HELZ: variants seen among roughly 807,000 people sequenced by gnomAD.
HELZ encodes helicase with zinc finger, also known as ATP-dependent RNA helicase with zinc finger domain.
Under a neutral mutation model 218.2 loss-of-function variants are expected in HELZ, and 23 were observed. That is an observed-to-expected ratio of 0.11 (90% CI 0.08 to 0.15). HELZ has a LOEUF of 0.15. Ranked by LOEUF, HELZ falls within the 10% of genes least tolerant of loss-of-function variation. The probability of loss-of-function intolerance (pLI) is 1.00; values close to 1 mark genes in which losing one functional copy is unlikely to be tolerated. For missense variants in HELZ, 1,813 were observed against 2,353.7 expected, an observed-to-expected ratio of 0.77 and a Z score of 4.75; for synonymous variants, 814 against 829.4, an observed-to-expected ratio of 0.98 and a Z score of 0.32.
chr17:67,220,568 G>A (rs1294252976), intron 3 of HELZ, among the ~76,000 whole-genome samples: 2 of 151,990 alleles, frequency 1.3e-5, no homozygotes, highest in African/African-American at 4.8e-5. Flanking sequence ...CTGCAGCCTC[G>A]ACTTGCCAGG....
intron 3 of HELZ, among the ~76,000 whole-genome samples, chr17:67,237,476 T>G (rs939381762): frequency 3.9e-5 from 6 of 152,102 alleles, no homozygotes; most frequent in Non-Finnish European, 7.4e-5. Context: ...CAGTGGACTG[T>G]ATCAGTTAAA....
intron 26 of HELZ, among the ~76,000 whole-genome samples, chr17:67,122,341 C>T (rs1334202361): frequency 1.3e-5 from 2 of 152,108 alleles, no homozygotes; most frequent in South Asian, 2.1e-4. Context: ...GTCAGGAGAT[C>T]GAGACCATCC....
chr17:67,165,960 T>C (rs2039130342), intron 15 of HELZ, among the ~76,000 whole-genome samples: 2 of 152,118 alleles, frequency 1.3e-5, no homozygotes, highest in South Asian at 4.1e-4. Context: ...AGCAAGAACC[T>C]TGTCTACAAA....
At chr17:67,216,562 TC>T (rs1182520877) in intron 4 of HELZ, among the ~76,000 whole-genome samples, 1 of 152,184 alleles carries the variant, frequency 6.6e-6, no homozygotes, top group Non-Finnish European at 1.5e-5. Context: ...CTCTTTTTTT[TC>T]TTTAGTGTCT....
At chr17:67,106,060 A>G (rs2037089724) in intron 31 of HELZ, among the ~76,000 whole-genome samples, 1 of 152,214 alleles carries the variant, frequency 6.6e-6, no homozygotes, top group Non-Finnish European at 1.5e-5. Context: ...TCAAAAAAGT[A>G]TTTTTCATAT....
chr17:67,111,078 C>T (rs1013738771), intron 28 of HELZ, among the ~76,000 whole-genome samples: 4 of 152,290 alleles, frequency 2.6e-5, no homozygotes, highest in African/African-American at 4.8e-5. Flanking sequence ...ATGGCAGATT[C>T]GGACAGCATG....
At chr17:67,203,215 G>A (rs2040212532) in intron 6 of HELZ, 104 bp downstream of exon 6, 1 of 1,192,426 alleles carries the variant, frequency 8.4e-7, no homozygotes. Flanking sequence ...AATAGAGGAA[G>A]AACTAAAAGA....
chr17:67,161,577 T>C (rs531421858), intron 15 of HELZ, among the ~76,000 whole-genome samples: 20 of 152,364 alleles, frequency 1.3e-4, no homozygotes, highest in East Asian at 1.9e-4. Flanking sequence ...CAAATCTGTA[T>C]GTCCCTGGTT....
intron 22 of HELZ, among the ~76,000 whole-genome samples, chr17:67,136,926 G>A (rs2038171137): frequency 6.6e-6 from 1 of 152,020 alleles, no homozygotes; most frequent in African/African-American, 2.4e-5. Context: ...CATAAAAATG[G>A]TTAAAATGGT....
chr17:67,244,696 C>A (rs1339572451), intron 1 of HELZ: 1 of 983,760 alleles, frequency 1.0e-6, no homozygotes, highest in Non-Finnish European at 1.2e-6. Context: ...CCACCCCACC[C>A]GGTGGAAGTC....
intron 5 of HELZ, among the ~76,000 whole-genome samples, chr17:67,213,884 G>A (rs780593204): frequency 2.0e-5 from 3 of 152,070 alleles, no homozygotes; most frequent in Non-Finnish European, 4.4e-5. Context: ...CAATATTCAT[G>A]GTATACTGAT....
intron 13 of HELZ, among the ~76,000 whole-genome samples, chr17:67,170,156 GC>G (rs2039265762): frequency 6.6e-6 from 1 of 152,080 alleles, no homozygotes; most frequent in African/African-American, 2.4e-5. Context: ...GCTGCATAAT[GC>G]TGACCCTTCA....
At chr17:67,190,507 G>C (rs2039864031) in intron 9 of HELZ, 152 bp from the exon 10 acceptor site, 1 of 628,354 alleles carries the variant, frequency 1.6e-6, no homozygotes, top group African/African-American at 1.8e-5. Context: ...AAAGGAGGGA[G>C]AAGAGGTTTA....
rs577949100 is a variant in HELZ, at chr17:67,145,442, T to A, written c.2769+301A>T. Among the ~76,000 whole-genome samples the A allele has an allele frequency of 2.0e-5, 3 of 152,258 alleles. No individual in the cohort carries two copies. In the South Asian group the frequency reaches 6.2e-4, roughly 32 times the overall value. The stretch of plus-strand genomic sequence containing the variant: ...TATGCACTATAAAACTTACTCAGAG[T>A]CTATTTTAGATACCTAACAATAATG... On this transcript the variant is annotated intron_variant, in intron 21 of 32. Coordinates refer to ENST00000358691, the MANE Select transcript of HELZ (RefSeq NM_014877.4).
chr17:67,226,832 A>T (rs1387378525), intron 3 of HELZ, among the ~76,000 whole-genome samples: 1 of 152,234 alleles, frequency 6.6e-6, no homozygotes, highest in Non-Finnish European at 1.5e-5. Context: ...AATATATGCA[A>T]TAACTTGAAT....
chr17:67,188,335 A>T lies in HELZ; in HGVS notation c.1146T>A (p.Asp382Glu). 6.2e-7 allele frequency: 1 copy of T among 1,610,058 alleles called. No individual in the cohort carries two copies. The highest frequency in any genetic ancestry group is 8.5e-7 in the Non-Finnish European group (1 of 1,176,822). The change falls in exon 12 of 33, where the codon GAT (aspartate) becomes GAA (glutamate). Residue 382 changes from aspartate (D) to glutamate (E), a missense_variant. Physicochemically the swap from Asp to Glu is conservative, Grantham distance 45. Around this residue, in one of 4 missense-constraint regions of HELZ, gnomAD observed 714 missense variants for 1,029.2 expected, o/e 0.69. Coordinates refer to ENST00000358691, the MANE Select transcript of HELZ (RefSeq NM_014877.4). This position sits in a 1 kb window ranked among gnomAD's most constrained non-coding sequence, Gnocchi z 4.1. The stretch of plus-strand genomic sequence containing the variant: ...AAATATTACCTTCTGTAGAAGCTGC[A>T]TCAATCATTACTCTTTGCATGAGTA... ...EPVLMQRVMI[D>E]AASTEDLEYL... is the part of the protein sequence containing the mutation.
chr17:67,101,002 C>T (rs1163958188), intron 31 of HELZ, among the ~76,000 whole-genome samples: 1 of 150,808 alleles, frequency 6.6e-6, no homozygotes, highest in Non-Finnish European at 1.5e-5. Flanking sequence ...CCCAGCTACT[C>T]GGGAGGCTGA....
chr17:67,114,365 T>C lies in HELZ; in HGVS notation c.3877A>G (p.Lys1293Glu). The C allele has an allele frequency of 6.2e-7, 1 of 1,611,662 alleles. No individual in the cohort carries two copies. Among genetic ancestry groups the C allele is most frequent in the South Asian group, 1.1e-5 (1 of 91,028 alleles). The change falls in exon 28 of 33, where the codon AAG becomes GAG. Residue 1293 changes from lysine (K) to glutamate (E), a missense_variant. This residue lies in a region of HELZ where 938 missense variants were observed against 1,027.5 expected (regional missense o/e 0.91). Transcript: ENST00000358691. The stretch of plus-strand genomic sequence containing the variant: ...GGCTTTTTCTCTGGTGTTCGAATCT[T>C]ATTAATTTCAGGTCCGGAATTATTT... ...DTNNSGPEIN[K>E]IRTPEKKPTE... is the part of the protein sequence containing the mutation.
rs187665348 is a variant in HELZ, at chr17:67,197,679, A to G, written c.430-2209T>C. Among the ~76,000 whole-genome samples, 359 of 152,336 alleles carry G rather than the reference A, an allele frequency of 2.4e-3. 1 individual carries two copies. Among genetic ancestry groups the G allele is most frequent in the Admixed American group, 9.4e-3 (144 of 15,296 alleles). On this transcript the variant is annotated intron_variant, in intron 7 of 32. Coordinates refer to ENST00000358691, the MANE Select transcript of HELZ (RefSeq NM_014877.4). ...ACAGTATCCCAAGATGAAATCTGGA[A>G]TATCTTGTACCATAGAAAGAACGTC... is the stretch of plus-strand genomic sequence containing the variant.
Sources: allele counts gnomAD v4.1 joint callset (sites outside exome capture counted in the v4.1 genomes callset), GRCh38; gene constraint gnomAD v4.1.1; regional missense constraint gnomAD v4.1.1; non-coding constraint Gnocchi (gnomAD v3.1); transcripts MANE v1.5; gene names NCBI Gene and HGNC (gene_info 2026-07-23, HGNC 2026-07-21).